GAPVD1: variants seen among roughly 807,000 people sequenced by gnomAD.
The protein encoded by GAPVD1 is GTPase-activating protein and VPS9 domain-containing protein 1.
In GAPVD1, 35 loss-of-function variants were observed where a neutral mutation model predicts 155.5. That is an observed-to-expected ratio of 0.23 (90% CI 0.17 to 0.30). The LOEUF (loss-of-function observed/expected upper bound fraction) is 0.30. Ranked by LOEUF, GAPVD1 falls within the 10% of genes least tolerant of loss-of-function variation. The probability of loss-of-function intolerance (pLI) is 1.00; values close to 1 mark genes in which losing one functional copy is unlikely to be tolerated. For missense variants in GAPVD1, 1,429 were observed against 1,775.7 expected (o/e 0.80, Z 3.51); for synonymous variants, 636 against 619.7 (o/e 1.03, Z -0.39).
rs1851479043 is a variant in GAPVD1, at chr9:125,366,540, T to A, written c.*3794T>A. On this transcript the variant is annotated 3_prime_UTR_variant, in exon 28 of 28. Coordinates refer to ENST00000297933, the MANE Select transcript of GAPVD1 (RefSeq NM_001282680.3). ...TTTGTTTCTTTAAAGAAAAGGCTGT[T>A]GTCTCTCTTTTTAAATATTTAAGTC... 1 of 152,178 alleles carries A rather than the reference T, an allele frequency of 6.6e-6. No homozygotes were observed. The highest frequency in any genetic ancestry group is 1.5e-5 in the Non-Finnish European group (1 of 68,034). 9.4% of individuals were successfully genotyped at this position (152,178 alleles called of 1,614,324 possible).
intron 17 of GAPVD1, 68 bp downstream of exon 17, chr9:125,337,659 A>G: frequency 7.4e-7 from 1 of 1,348,838 alleles, no homozygotes. Context: ...TCTGAAATTA[A>G]CATGGAATAT....
At chr9:125,325,719 C>G (rs1845070421) in intron 11 of GAPVD1, among the ~76,000 whole-genome samples, 1 of 151,978 alleles carries the variant, frequency 6.6e-6, no homozygotes, top group Non-Finnish European at 1.5e-5. Context: ...CTGTATTTTA[C>G]TGGATTTGTT....
chr9:125,267,534 C>T (rs907025982), intron 1 of GAPVD1, among the ~76,000 whole-genome samples: 24 of 152,040 alleles, frequency 1.6e-4, no homozygotes, highest in South Asian at 1.2e-3. Context: ...CTCAGCCTCG[C>T]GAGTAGCTGG....
At chr9:125,331,877 G>T (rs1436541080) in intron 13 of GAPVD1, 49 bp from the exon 14 acceptor site, 3 of 1,580,948 alleles carry the variant, frequency 1.9e-6, no homozygotes, top group Non-Finnish European at 2.6e-6. Context: ...TGAAATTGTG[G>T]TGTGCTAAGA....
chr9:125,263,659 G>A lies in GAPVD1; in HGVS notation c.-199+1700G>A, dbSNP rs532278832. ...GGCTGCTGACCCAGCCCCAGCCTCA[G>A]CTTTCTTGTCGGCACTAAGTGGCAC... On this transcript the variant is annotated intron_variant, in intron 1 of 27. Coordinates refer to ENST00000297933, the MANE Select transcript of GAPVD1 (RefSeq NM_001282680.3). The A allele has an allele frequency of 2.3e-5, 23 of 1,003,932 alleles. No homozygotes were observed. In the African/African-American group the frequency reaches 2.8e-4, roughly 12 times the overall value. The allele number at this position is 1,003,932 out of a possible 1,614,324, so 62.2% of individuals were successfully genotyped here.
In GAPVD1 at chr9:125,301,963, C is replaced by CTTTTT. The variant is rs397893733; in HGVS notation, c.186-7_186-3dup. On this transcript the variant is annotated intron_variant, in intron 4 of 27. Transcript: ENST00000297933. ...AATACTATTATTTTGCTTGTTTGCT[C>CTTTTT]TTTTTTTTTTTTTTTTTAGTGCTGA... The CTTTTT allele has an allele frequency of 9.3e-6, 13 of 1,394,672 alleles. No individual in the cohort carries two copies. The highest frequency in any genetic ancestry group is 5.8e-5 in the South Asian group (4 of 68,684). 86.4% of individuals were successfully genotyped at this position (1,394,672 alleles called of 1,614,324 possible).
In GAPVD1 at chr9:125,346,829, C is replaced by G. The variant is rs754283538; in HGVS notation, c.3057C>G (p.Ser1019Arg). Residue 1019 changes from serine (S) to arginine (R), a missense_variant, in exon 20 of 28, where the codon AGC (serine) becomes AGG (arginine). Around this residue, in one of 4 missense-constraint regions of GAPVD1, gnomAD observed 699 missense variants for 826.0 expected, o/e 0.85. Transcript: ENST00000297933. ...TCCTTTCCCTTGCAGATGATCCCAG[C>G]CCTAGACTCAGTGCACAAGCTCAGG... ...DRFSTLTDDP[S>R]PRLSAQAQVA... 49 of 1,613,748 alleles carry G rather than the reference C, an allele frequency of 3.0e-5. No individual in the cohort carries two copies. The highest frequency in any genetic ancestry group is 4.0e-5 in the Non-Finnish European group (47 of 1,179,646).
chr9:125,336,809 A>G, intron 15 of GAPVD1: 1 of 545,230 alleles, frequency 1.8e-6, no homozygotes, highest in Non-Finnish European at 3.2e-6. Flanking sequence ...GACCACTTAA[A>G]TGTAAAGAAA....
rs1407053145 is a variant in GAPVD1, at chr9:125,307,761, T to G, written c.1322T>G (p.Leu441Trp). 1 of 1,613,990 alleles carries G rather than the reference T, an allele frequency of 6.2e-7. No individual in the cohort carries two copies. The highest frequency in any genetic ancestry group is 8.5e-7 in the Non-Finnish European group (1 of 1,179,866). Residue 441 changes from leucine (L) to tryptophan (W), a missense_variant, in exon 8 of 28, where the codon TTG (leucine) becomes TGG (tryptophan). Physicochemically the swap from Leu to Trp is moderately conservative, Grantham distance 61. Around this residue, in one of 4 missense-constraint regions of GAPVD1, gnomAD observed 628 missense variants for 733.4 expected, o/e 0.86. Coordinates refer to ENST00000297933, the MANE Select transcript of GAPVD1 (RefSeq NM_001282680.3). ...GATAGAATGGCTCTTGACAATTTATTGGCAAACCTACCCCCGGCCAAGCCA... is the reference window on the plus strand; with the variant it reads ...GATAGAATGGCTCTTGACAATTTATGGGCAAACCTACCCCCGGCCAAGCCA... ...REDRMALDNLLANLPPAKPGK... is the reference protein window; with the variant it reads ...REDRMALDNLWANLPPAKPGK...
At chr9:125,333,956 C>G (rs751707181) in intron 15 of GAPVD1, among the ~76,000 whole-genome samples, 2 of 152,018 alleles carry the variant, frequency 1.3e-5, no homozygotes, top group Non-Finnish European at 2.9e-5. Context: ...GCCCTTTACC[C>G]CCTGGGGTTG....
intron 18 of GAPVD1, chr9:125,341,702 T>A (rs983395858): frequency 7.6e-5 from 12 of 156,990 alleles, no homozygotes; most frequent in African/African-American, 2.9e-4. Flanking sequence ...TCAGTGAGTG[T>A]TTATTTTGGA....
chr9:125,299,543 C>T (rs1204016743), intron 4 of GAPVD1, among the ~76,000 whole-genome samples: 2 of 151,800 alleles, frequency 1.3e-5, no homozygotes, highest in Admixed American at 6.6e-5. Context: ...GTAATCCCAG[C>T]TACTCGGGAG....
chr9:125,331,810 T>G (rs1350133606), intron 13 of GAPVD1, 116 bp from the exon 14 acceptor site: 7 of 858,430 alleles, frequency 8.2e-6, no homozygotes. Flanking sequence ...CTTACACATG[T>G]ATTTGCACTG....
Position 125,337,478 on chromosome 9 carries a change from C to T in GAPVD1, c.2764C>T (p.Pro922Ser), listed in dbSNP as rs752182717. ...PMSDPSWNRR[P>S]GNEERELPPA... ...GAGTGACCCCAGCTGGAACCGGCGT[C>T]CAGGAAATGAAGAGCGAGAACTCCC... The change falls in exon 17 of 28, where the codon CCA becomes TCA. Residue 922 changes from proline to serine, a missense_variant. Around this residue, in one of 4 missense-constraint regions of GAPVD1, gnomAD observed 699 missense variants for 826.0 expected, o/e 0.85. Transcript: ENST00000297933. The T allele has an allele frequency of 1.2e-6, 2 of 1,614,166 alleles. No homozygotes were observed. The highest frequency in any genetic ancestry group is 4.5e-5 in the East Asian group (2 of 44,878).
rs1847811367 is a variant in GAPVD1, at chr9:125,341,215, C to T, written c.2916C>T (p.Asp972=). ...AAGATAGCGATGATGAGAAATCAGA[C>T]AGGAACAGACCTTGGTGGAGAAAAC... ...ERKDSDDEKS[D]RNRPWWRKRF... Residue 972 remains aspartate (D), a synonymous_variant, in exon 18 of 28, where the codon GAC becomes GAT. Transcript: ENST00000297933. 1 of 1,606,708 alleles carries T rather than the reference C, an allele frequency of 6.2e-7. No homozygotes were observed. The highest frequency in any genetic ancestry group is 1.3e-5 in the African/African-American group (1 of 74,762).
chr9:125,293,856 A>ATATATAAATATATTT (rs1564310959), intron 2 of GAPVD1, among the ~76,000 whole-genome samples: 1 of 6,184 alleles, frequency 1.6e-4, no homozygotes, highest in African/African-American at 1.3e-3. Flanking sequence ...TATATTTTAT[A>ATATATAAATATATTT]TATATATATA....
intron 2 of GAPVD1, among the ~76,000 whole-genome samples, chr9:125,293,386 C>A (rs983916698): frequency 6.6e-6 from 1 of 150,376 alleles, no homozygotes; most frequent in African/African-American, 2.4e-5. Flanking sequence ...CTGTTTTGTT[C>A]TGTATTGTCA....
chr9:125,266,407 G>A (rs1167622315), intron 1 of GAPVD1, among the ~76,000 whole-genome samples: 1 of 151,684 alleles, frequency 6.6e-6, no homozygotes, highest in South Asian at 2.1e-4. Context: ...TCTGCCTCCC[G>A]AGTTCACGCC....
chr9:125,335,400 G>T (rs145822163), intron 15 of GAPVD1: 1 of 430,038 alleles, frequency 2.3e-6, no homozygotes, highest in Non-Finnish European at 4.1e-6. Flanking sequence ...AAATGGGGCT[G>T]GGCGCGGTGG....
Sources: gnomAD v4.1 joint callset for allele counts (sites outside exome capture counted in the v4.1 genomes callset) on GRCh38, gnomAD v4.1.1 for gene constraint, gnomAD v4.1.1 regional missense constraint, MANE v1.5 for transcripts, NCBI Gene and HGNC (gene_info 2026-07-23, HGNC 2026-07-21) for gene names.